Variants in CNTNAP2 observed in about 807,000 individuals in gnomAD.
CNTNAP2 encodes the protein contactin-associated protein-like 2.
Under a neutral mutation model 155.2 loss-of-function variants are expected in CNTNAP2, and 98 were observed. That is an observed-to-expected ratio of 0.63 (90% CI 0.54 to 0.75). CNTNAP2 has a LOEUF of 0.75. CNTNAP2 is among the 30% of genes least tolerant of loss of function. The pLI is 0.00. For missense variants in CNTNAP2, 1,727 were observed against 1,688.1 expected (o/e 1.02, Z -0.40); for synonymous variants, 651 against 631.2 (o/e 1.03, Z -0.47).
intron 11 of CNTNAP2, among the ~76,000 whole-genome samples, chr7:147,510,513 C>A (rs1798994792): frequency 6.6e-6 from 1 of 151,650 alleles, no homozygotes; most frequent in Non-Finnish European, 1.5e-5. Flanking sequence ...CTGAATCAAT[C>A]ATTTCAGATT....
chr7:147,103,658 A>AT, intron 4 of CNTNAP2, among the ~76,000 whole-genome samples: 1 of 151,898 alleles, frequency 6.6e-6, no homozygotes, highest in Middle Eastern at 3.2e-3. Flanking sequence ...TAATTAGTTT[A>AT]TTTTTTATAA....
intron 13 of CNTNAP2, among the ~76,000 whole-genome samples, chr7:147,840,148 G>A (rs1024326904): frequency 6.6e-6 from 1 of 152,034 alleles, no homozygotes; most frequent in Non-Finnish European, 1.5e-5. Context: ...TGGAATAATA[G>A]ACACTGGAGG....
chr7:146,858,557 G>A (rs1795037201), intron 3 of CNTNAP2, among the ~76,000 whole-genome samples: 2 of 152,170 alleles, frequency 1.3e-5, no homozygotes, highest in African/African-American at 4.8e-5. Context: ...AGCCAGACAT[G>A]GTGGCATATG....
At chr7:146,680,724 G>A (rs556749894) in intron 1 of CNTNAP2, among the ~76,000 whole-genome samples, 1 of 152,242 alleles carries the variant, frequency 6.6e-6, no homozygotes, top group Admixed American at 6.5e-5. Flanking sequence ...TTCCTTTTCT[G>A]CAGTGTGCAG....
At chr7:148,312,921 G>A (rs1008200358) in intron 21 of CNTNAP2, among the ~76,000 whole-genome samples, 16 of 151,002 alleles carry the variant, frequency 1.1e-4, no homozygotes, top group Non-Finnish European at 2.4e-4. Context: ...CAAGTGGGGG[G>A]GATGTGAAGG....
rs568654197 is a variant in CNTNAP2, at chr7:146,793,668, T to A, written c.208+19287T>A. Among the ~76,000 whole-genome samples the A allele has an allele frequency of 1.2e-4, 19 of 152,362 alleles. No homozygotes were observed. The South Asian group carries it at 3.9e-3, about 32-fold the overall frequency. ...GAAAACCTTCAGCAAAACCCAGGGTTTGGGGGTTCCCCCTGGGTGTCTGAA... is the reference window on the plus strand; with the variant it reads ...GAAAACCTTCAGCAAAACCCAGGGTATGGGGGTTCCCCCTGGGTGTCTGAA... On this transcript the variant is annotated intron_variant, in intron 2 of 23. Coordinates refer to ENST00000361727, the MANE Select transcript of CNTNAP2 (RefSeq NM_014141.6).
Position 147,152,785 on chromosome 7 carries a change from G to A in CNTNAP2, c.1348+20276G>A, listed in dbSNP as rs530162827. ...TTATGCTTAAAGTCATAAAAAATTAGAATTAAAAGAAATCTTACAGATCAG... is the reference window on the plus strand; with the variant it reads ...TTATGCTTAAAGTCATAAAAAATTAAAATTAAAAGAAATCTTACAGATCAG... On this transcript the variant is annotated intron_variant, in intron 8 of 23. Coordinates refer to ENST00000361727, the MANE Select transcript of CNTNAP2 (RefSeq NM_014141.6). Among the ~76,000 whole-genome samples, 288 of 152,156 alleles carry A rather than the reference G, an allele frequency of 1.9e-3. 2 individuals are homozygous for A. Among genetic ancestry groups the A allele is most frequent in the South Asian group, 3.9e-3 (19 of 4,826 alleles).
intron 8 of CNTNAP2, chr7:147,167,498 C>A: frequency 2.2e-6 from 2 of 898,440 alleles, no homozygotes; most frequent in Non-Finnish European, 3.5e-6. Flanking sequence ...TTGCCATGGA[C>A]CCAGCTTTGA....
chr7:147,254,527 A>G (rs1049773192), intron 8 of CNTNAP2, among the ~76,000 whole-genome samples: 3 of 151,456 alleles, frequency 2.0e-5, no homozygotes, highest in Admixed American at 1.3e-4. Flanking sequence ...TTTTTTTTCT[A>G]TTCATTCCTT....
chr7:146,837,166 T>C lies in CNTNAP2; in HGVS notation c.209-2545T>C, dbSNP rs1451683062. On this transcript the variant is annotated intron_variant, in intron 2 of 23. Transcript: ENST00000361727. ...TTTTATTCTGACCCAATCTCTGTCA[T>C]CTCTGCTTGTAGTACTCCACTTGCA... 2.0e-5 allele frequency among the ~76,000 whole-genome samples: 3 copies of C among 152,124 alleles called. No homozygotes were observed. The East Asian group carries it at 5.8e-4, about 29-fold the overall frequency.
chr7:147,882,030 G>T (rs10952716), intron 13 of CNTNAP2, among the ~76,000 whole-genome samples: 6,335 of 151,260 alleles, frequency 0.042, 187 homozygotes, highest in African/African-American at 0.08. Context: ...GAAATGAGAA[G>T]AATATTTCTG....
intron 13 of CNTNAP2, among the ~76,000 whole-genome samples, chr7:147,788,770 G>A (rs1797773947): frequency 6.6e-6 from 1 of 151,992 alleles, no homozygotes; most frequent in African/African-American, 2.4e-5. Flanking sequence ...GGTGGATGCA[G>A]CGGTGACGCA....
At chr7:147,690,240 A>G (rs867168646) in intron 13 of CNTNAP2, among the ~76,000 whole-genome samples, 5 of 152,148 alleles carry the variant, frequency 3.3e-5, no homozygotes, top group African/African-American at 1.2e-4. Flanking sequence ...TTCCCTGTCC[A>G]CCAGGCAAAC....
intron 8 of CNTNAP2, among the ~76,000 whole-genome samples, chr7:147,216,022 A>C (rs752057004): frequency 6.6e-6 from 1 of 151,822 alleles, no homozygotes; most frequent in Non-Finnish European, 1.5e-5. Context: ...GGTCCATTTT[A>C]GTTAAGTAAT....
intron 13 of CNTNAP2, among the ~76,000 whole-genome samples, chr7:147,853,333 G>A (rs989277810): frequency 3.9e-5 from 6 of 152,140 alleles, no homozygotes; most frequent in East Asian, 3.8e-4. Context: ...GAACTGTTAC[G>A]AAGGAAATGT....
intron 1 of CNTNAP2, among the ~76,000 whole-genome samples, chr7:146,726,693 A>T (rs1801436924): frequency 6.6e-6 from 1 of 152,180 alleles, no homozygotes; most frequent in Non-Finnish European, 1.5e-5. Flanking sequence ...ACAATTAACA[A>T]ATTTCACAAA....
At chr7:147,595,814 G>A (rs1294177755) in intron 12 of CNTNAP2, among the ~76,000 whole-genome samples, 1 of 152,158 alleles carries the variant, frequency 6.6e-6, no homozygotes, top group Non-Finnish European at 1.5e-5. Flanking sequence ...TATGCAGTAA[G>A]GATACACTGT....
chr7:147,340,772 C>T (rs1187138693), intron 9 of CNTNAP2, among the ~76,000 whole-genome samples: 1 of 151,816 alleles, frequency 6.6e-6, no homozygotes, highest in Non-Finnish European at 1.5e-5. Flanking sequence ...ACTATTTTTT[C>T]AACACTCTCT....
chr7:146,643,806 T>C (rs973020455), intron 1 of CNTNAP2, among the ~76,000 whole-genome samples: 1 of 152,062 alleles, frequency 6.6e-6, no homozygotes. Flanking sequence ...TGGAATGTTC[T>C]TCCATTTGTT....
Sources: gnomAD v4.1 joint callset for allele counts (sites outside exome capture counted in the v4.1 genomes callset) on GRCh38, gnomAD v4.1.1 for gene constraint, MANE v1.5 for transcripts, NCBI Gene and HGNC (gene_info 2026-07-23, HGNC 2026-07-21) for gene names.